The following SHISA7 variants were observed in gnomAD, a reference collection of about 807,000 sequenced individuals.
SHISA7 encodes the protein protein shisa-7.
In SHISA7, 6 loss-of-function variants were observed where a neutral mutation model predicts 23.9. The observed-to-expected ratio is 0.25, with a 90% confidence interval of 0.14 to 0.50. SHISA7 has a LOEUF of 0.50. Among genes scored for constraint, SHISA7 ranks in the 20% least tolerant of loss-of-function variants. The pLI, the probability that SHISA7 is intolerant of heterozygous loss-of-function variation, is 0.98. For missense variants in SHISA7, 671 were observed against 801.1 expected (o/e 0.84, Z 1.96); for synonymous variants, 386 against 398.3 (o/e 0.97, Z 0.37).
intron 3 of SHISA7, among the ~76,000 whole-genome samples, chr19:55,435,557 G>A (rs1291642408): frequency 2.3e-5 from 3 of 127,766 alleles, no homozygotes; most frequent in African/African-American, 9.1e-5. Flanking sequence ...GTTCAAGACC[G>A]ACCTGGGCAA....
chr19:55,434,830 T>TGG (rs1555753502), intron 3 of SHISA7, among the ~76,000 whole-genome samples: 2 of 47,906 alleles, frequency 4.2e-5, no homozygotes, highest in Admixed American at 2.9e-4. Flanking sequence ...TATGTGTGTG[T>TGG]GGTGTGTGGT....
intron 3 of SHISA7, among the ~76,000 whole-genome samples, chr19:55,434,873 TGGTGTGTGTGTATATGTGGTGTGTGTG>T (rs1985372515): frequency 1.1e-5 from 1 of 90,842 alleles, no homozygotes; most frequent in Admixed American, 1.3e-4. Flanking sequence ...GTGGTGTGTG[TGGTGTGTGTGTATATGTGGTGTGTGTG>T]GTGTGTGTGT....
In SHISA7 at chr19:55,440,885, T is replaced by C. The variant is rs185172994; in HGVS notation, c.672-120A>G. Reference sequence around the variant, plus strand: ...TAATCTGTCACTCAGCCTGCCTTTTTCGCCATTGGCCACGCCCCTTTCTCG... The same window carrying C: ...TAATCTGTCACTCAGCCTGCCTTTTCCGCCATTGGCCACGCCCCTTTCTCG... On this transcript the variant is annotated intron_variant, in intron 1 of 3. Coordinates refer to ENST00000376325, the MANE Select transcript of SHISA7 (RefSeq NM_001145176.2). 6,829 of 994,824 alleles carry C rather than the reference T, an allele frequency of 6.9e-3. 50 individuals are homozygous for C. Among genetic ancestry groups the C allele is most frequent in the Non-Finnish European group, 6.8e-3 (5,223 of 771,910 alleles). The allele number at this position is 994,824 out of a possible 1,614,324, so 61.6% of individuals were successfully genotyped here.
chr19:55,434,771 GGT>G (rs796534132), intron 3 of SHISA7, among the ~76,000 whole-genome samples: 1 of 107,482 alleles, frequency 9.3e-6, no homozygotes, highest in East Asian at 3.0e-4. Flanking sequence ...TGTGGTGTGT[GGT>G]GTGTGTATGG....
chr19:55,435,080 GGTGTGTGTGGTGTGTGTGTA>G, intron 3 of SHISA7, among the ~76,000 whole-genome samples: 1 of 80,864 alleles, frequency 1.2e-5, no homozygotes, highest in African/African-American at 5.0e-5. Context: ...TGGTGTGTGT[GGTGTGTGTGGTGTGTGTGTA>G]TGGTGTGTGT....
chr19:55,442,934 C>T lies in SHISA7; in HGVS notation c.-71G>A. The T allele has an allele frequency of 2.1e-6, 2 of 936,616 alleles. No homozygotes were observed. The highest frequency in any genetic ancestry group is 2.5e-6 in the Non-Finnish European group (2 of 789,818). 58.0% of individuals were successfully genotyped at this position (936,616 alleles called of 1,614,324 possible). On this transcript the variant is annotated 5_prime_UTR_variant, in exon 1 of 4. Coordinates refer to ENST00000376325, the MANE Select transcript of SHISA7 (RefSeq NM_001145176.2). ...CGAGAGCAGAGGTTGGAGCGCTGGG[C>T]GGGAGAGAAACGGTCAGAGGGTGAG...
At position 55,433,740 on chromosome 19, in the gene SHISA7, C is replaced by G; in HGVS notation, c.1033G>C (p.Gly345Arg). Residue 345 changes from glycine (G) to arginine (R), a missense_variant, in exon 4 of 4, where the codon GGC becomes CGC. By Grantham distance (125) the Gly-to-Arg change is moderately radical (BLOSUM62 -2). Coordinates refer to ENST00000376325, the MANE Select transcript of SHISA7 (RefSeq NM_001145176.2). The surrounding 1 kb of genome is among the most constrained non-coding windows in gnomAD (Gnocchi z 8.4). ...CGCAGCGCGTGCAGGGGCAGCGTGC[C>G]GCGGGGCAATTCCAGGGGCCGGCGC... The part of the protein sequence containing the change: ...LKRRPLELPR[G>R]TLPLHALRRP... The G allele has an allele frequency of 6.8e-7, 1 of 1,460,932 alleles. No homozygotes were observed. Among genetic ancestry groups the G allele is most frequent in the Non-Finnish European group, 9.0e-7 (1 of 1,116,218 alleles). 90.5% of individuals were successfully genotyped at this position (1,460,932 alleles called of 1,614,324 possible).
At position 55,430,195 on chromosome 19, in the gene SHISA7, G is replaced by A. The variant is rs571953055; in HGVS notation, c.*2961C>T. On this transcript the variant is annotated 3_prime_UTR_variant, in exon 4 of 4. Transcript: ENST00000376325. ...GGTGAGGTTGGCTGAGGCCACATCTGTGGTGGGATTGATGCAGGCATCATC... is the reference window on the plus strand; with the variant it reads ...GGTGAGGTTGGCTGAGGCCACATCTATGGTGGGATTGATGCAGGCATCATC... 72 of 152,426 alleles carry A rather than the reference G, an allele frequency of 4.7e-4. No homozygotes were observed. Among genetic ancestry groups the A allele is most frequent in the African/African-American group, 1.6e-3 (68 of 41,562 alleles). The allele number at this position is 152,426 out of a possible 1,614,324, so 9.4% of individuals were successfully genotyped here.
intron 3 of SHISA7, among the ~76,000 whole-genome samples, chr19:55,435,847 G>A (rs994066798): frequency 6.6e-6 from 1 of 151,968 alleles, no homozygotes. Flanking sequence ...TTAAGGCTGA[G>A]TGATGGGAAC....
intron 3 of SHISA7, among the ~76,000 whole-genome samples, chr19:55,437,262 C>T (rs1416293888): frequency 6.6e-6 from 1 of 152,118 alleles, no homozygotes; most frequent in East Asian, 1.9e-4. Context: ...CTTGAGCCCC[C>T]AAAACAGCCA....
At chr19:55,438,639 A>G (rs1210118445) in intron 2 of SHISA7, 31 of 1,303,976 alleles carry the variant, frequency 2.4e-5, no homozygotes, top group Non-Finnish European at 3.1e-5. Context: ...GGGGGGACCG[A>G]GAAGGGAGAT....
In SHISA7 at chr19:55,433,708, C is replaced by G. The variant is rs1304990327; in HGVS notation, c.1065G>C (p.Pro355=). The G allele has an allele frequency of 4.7e-6, 7 of 1,478,486 alleles. No homozygotes were observed. The highest frequency in any genetic ancestry group is 2.9e-5 in the African/African-American group (2 of 68,206). 91.6% of individuals were successfully genotyped at this position (1,478,486 alleles called of 1,614,324 possible). The change falls in exon 4 of 4, where the codon CCG becomes CCC. Residue 355 remains proline (P), a synonymous_variant. Transcript: ENST00000376325. This position sits in a 1 kb window ranked among gnomAD's most constrained non-coding sequence, Gnocchi z 8.4. ...GTLPLHALRR[P]GTGGGYRMEA... ...CCATGCGATAGCCGCCCCCCGTGCC[C>G]GGCCGCCGCAGCGCGTGCAGGGGCA...
intron 3 of SHISA7, among the ~76,000 whole-genome samples, chr19:55,435,578 C>A (rs1985439016): frequency 8.1e-6 from 1 of 123,914 alleles, no homozygotes; most frequent in South Asian, 2.8e-4. Flanking sequence ...TATAGTGAGA[C>A]TCCATCTCTA....
intron 3 of SHISA7, among the ~76,000 whole-genome samples, chr19:55,434,991 G>GGT (rs551783121): frequency 2.1e-5 from 2 of 96,952 alleles, no homozygotes; most frequent in Non-Finnish European, 4.2e-5. Context: ...TGGTGTGTAT[G>GGT]GTGTGTGTGT....
chr19:55,437,791 T>G (rs977716357), intron 2 of SHISA7, 37 bp from the exon 3 acceptor site: 3 of 1,532,240 alleles, frequency 2.0e-6, no homozygotes, highest in Middle Eastern at 1.7e-4. Flanking sequence ...TCAGTCAGCT[T>G]CCTCCCTCAG....
intron 2 of SHISA7, among the ~76,000 whole-genome samples, chr19:55,438,364 A>G (rs1273392416): frequency 6.6e-6 from 1 of 152,168 alleles, no homozygotes; most frequent in Non-Finnish European, 1.5e-5. Context: ...ACAATGTGGG[A>G]GAGAGATGAC....
intron 3 of SHISA7, among the ~76,000 whole-genome samples, chr19:55,435,954 ATGTGTG>A (rs113452084): frequency 1.4e-5 from 1 of 70,442 alleles, no homozygotes; most frequent in African/African-American, 3.4e-5. Context: ...AAATATACAC[ATGTGTG>A]TGTGTGTGTG....
In SHISA7 at chr19:55,434,644, GTGTA is replaced by G. The variant is rs1215770252; in HGVS notation, c.977-852_977-849del. ...GTGTGTGTGTGGTGTGTGTGGTTGT[GTGTA>G]TGGTGTGTGTGGTGTGTGTGTATGG... On this transcript the variant is annotated intron_variant, in intron 3 of 3. Coordinates refer to ENST00000376325, the MANE Select transcript of SHISA7 (RefSeq NM_001145176.2). Among the ~76,000 whole-genome samples, 292 of 81,076 alleles carry G rather than the reference GTGTA, an allele frequency of 3.6e-3. 5 individuals carry two copies. Among genetic ancestry groups the G allele is most frequent in the African/African-American group, 0.01 (263 of 25,092 alleles). 53.2% of individuals were successfully genotyped at this position (81,076 alleles called of 152,430 possible).
At chr19:55,440,536 C>CA (rs1456993723) in intron 2 of SHISA7, 75 bp downstream of exon 2, 1 of 1,229,292 alleles carries the variant, frequency 8.1e-7, no homozygotes, top group African/African-American at 1.6e-5. Context: ...GTGGAGCCGC[C>CA]ATGGAGGGCG....
Sources: allele counts gnomAD v4.1 joint callset (sites outside exome capture counted in the v4.1 genomes callset), GRCh38; gene constraint gnomAD v4.1.1; non-coding constraint Gnocchi (gnomAD v3.1); transcripts MANE v1.5; gene names NCBI Gene and HGNC (gene_info 2026-07-23, HGNC 2026-07-21).